Variants in ADAMTSL3 observed in about 807,000 individuals in gnomAD.
ADAMTSL3 encodes ADAMTS like 3.
Under a neutral mutation model 201.7 loss-of-function variants are expected in ADAMTSL3, and 128 were observed. The ratio of observed to expected loss-of-function variants is 0.63; its 90% CI spans 0.55 to 0.73. The LOEUF is 0.73. Ranked by LOEUF, ADAMTSL3 falls within the 30% of genes least tolerant of loss-of-function variation. The pLI is 0.00. For synonymous variants in ADAMTSL3, 738 were observed against 748.4 expected (o/e 0.99, Z 0.23); for missense variants, 1,990 against 2,119.6 (o/e 0.94, Z 1.20).
At chr15:83,986,698 T>C (rs1228284776) in intron 21 of ADAMTSL3, among the ~76,000 whole-genome samples, 1 of 152,256 alleles carries the variant, frequency 6.6e-6, no homozygotes, top group African/African-American at 2.4e-5. Context: ...AATGGAATTA[T>C]GTTCCTGAAA....
At chr15:84,012,402 T>C (rs1043789528) in intron 23 of ADAMTSL3, among the ~76,000 whole-genome samples, 18 of 152,190 alleles carry the variant, frequency 1.2e-4, no homozygotes, top group African/African-American at 4.3e-4. Context: ...TGAAGGCCAC[T>C]CTCAGCTTTT....
chr15:83,660,088 T>C (rs2061142004), intron 2 of ADAMTSL3, among the ~76,000 whole-genome samples: 2 of 152,146 alleles, frequency 1.3e-5, no homozygotes, highest in East Asian at 1.9e-4. Context: ...AATCTTGACC[T>C]CTTTGCTGCC....
Position 83,677,938 on chromosome 15 carries a change from T to TTC in ADAMTSL3, c.69+22124_69+22125dup, listed in dbSNP as rs34231485. On this transcript the variant is annotated intron_variant, in intron 2 of 29. Coordinates refer to ENST00000286744, the MANE Select transcript of ADAMTSL3 (RefSeq NM_207517.3). ...TGATTTTTCTATGGGAGTTTTCATTTTCTCTCTCTCTCTCTCTGTCTCTCT... is the reference window on the plus strand; with the variant it reads ...TGATTTTTCTATGGGAGTTTTCATTTTCTCTCTCTCTCTCTCTCTGTCTCTCT... Among the ~76,000 whole-genome samples the TTC allele has an allele frequency of 6.0e-5, 9 of 149,686 alleles. No homozygotes were observed. The South Asian group carries it at 1.1e-3, about 18-fold the overall frequency.
At chr15:83,897,430 A>G (rs1462179540) in intron 13 of ADAMTSL3, among the ~76,000 whole-genome samples, 1 of 152,196 alleles carries the variant, frequency 6.6e-6, no homozygotes, top group African/African-American at 2.4e-5. Flanking sequence ...ATAGAAAAAT[A>G]ATCCTCTGGC....
At chr15:83,949,833 T>C (rs1209403183) in intron 19 of ADAMTSL3, among the ~76,000 whole-genome samples, 1 of 152,152 alleles carries the variant, frequency 6.6e-6, no homozygotes, top group Non-Finnish European at 1.5e-5. Context: ...TATTCAGATC[T>C]TTTCCCATTT....
At chr15:84,017,524 T>G (rs763179018) in intron 25 of ADAMTSL3, among the ~76,000 whole-genome samples, 30 of 152,190 alleles carry the variant, frequency 2.0e-4, no homozygotes, top group Non-Finnish European at 4.4e-4. Context: ...ATTTGCATAA[T>G]GTATCATGCA....
In ADAMTSL3 at chr15:84,014,638, T is replaced by C; in HGVS notation, c.4070T>C (p.Val1357Ala). 1.2e-6 allele frequency: 2 copies of C among 1,612,804 alleles called. No individual in the cohort carries two copies. The highest frequency in any genetic ancestry group is 1.7e-6 in the Non-Finnish European group (2 of 1,179,668). ...AATGGATCCCTGTTGTTGCAGAATG[T>C]TTCCCTTGAAAATGAAGGAACCTAC... ...LFNGSLLLQN[V>A]SLENEGTYVC... The change falls in exon 24 of 30, where the codon GTT becomes GCT. Residue 1357 changes from valine to alanine, a missense_variant. Physicochemically the swap from Val to Ala is moderately conservative, Grantham distance 64. Transcript: ENST00000286744.
intron 4 of ADAMTSL3, among the ~76,000 whole-genome samples, chr15:83,801,658 ATATATATATATATATATATATATATATAT>A (rs2063521414): frequency 1.5e-5 from 1 of 68,844 alleles, no homozygotes; most frequent in South Asian, 5.4e-4. Context: ...ATAAATATAT[ATATATATATATATATATATATATATATAT>A]ATATATATGT....
intron 2 of ADAMTSL3, among the ~76,000 whole-genome samples, chr15:83,702,776 A>G (rs556129345): frequency 5.3e-4 from 80 of 152,342 alleles, no homozygotes; most frequent in African/African-American, 1.8e-3. Context: ...AACCTGTGCA[A>G]TAGCAGTACG....
At chr15:83,903,924 A>AGGAAGGAAGGAAGG (rs1449297227) in intron 15 of ADAMTSL3, among the ~76,000 whole-genome samples, 75 of 62,188 alleles carry the variant, frequency 1.2e-3, no homozygotes, top group South Asian at 1.9e-3. Flanking sequence ...CATCAAAAAA[A>AGGAAGGAAGGAAGG]AAAAAAAAAA....
At chr15:83,827,687 T>C (rs1295171872) in intron 6 of ADAMTSL3, among the ~76,000 whole-genome samples, 1 of 152,208 alleles carries the variant, frequency 6.6e-6, no homozygotes, top group African/African-American at 2.4e-5. Flanking sequence ...TTAATTTTTG[T>C]ATAAGGTGCA....
intron 2 of ADAMTSL3, among the ~76,000 whole-genome samples, chr15:83,697,640 G>A (rs775385340): frequency 2.6e-4 from 39 of 152,172 alleles, no homozygotes; most frequent in African/African-American, 8.2e-4. Flanking sequence ...GAAGAGATAC[G>A]TAGGGTGAGG....
intron 6 of ADAMTSL3, among the ~76,000 whole-genome samples, 186 bp downstream of exon 6, chr15:83,820,233 A>G (rs1351673004): frequency 3.9e-5 from 6 of 152,152 alleles, no homozygotes; most frequent in African/African-American, 1.4e-4. Context: ...TACAAATTGT[A>G]TTTGTATCCC....
intron 20 of ADAMTSL3, among the ~76,000 whole-genome samples, chr15:83,979,986 C>T (rs1481854939): frequency 1.3e-5 from 2 of 152,178 alleles, no homozygotes; most frequent in Non-Finnish European, 2.9e-5. Flanking sequence ...CCTGGCTGCA[C>T]CCCGTAAGTC....
At chr15:83,831,978 TG>T (rs1567176145) in intron 6 of ADAMTSL3, among the ~76,000 whole-genome samples, 1 of 152,154 alleles carries the variant, frequency 6.6e-6, no homozygotes. Flanking sequence ...GTGAAGTTCC[TG>T]GGCTCTTCAA....
chr15:84,012,280 A>G (rs531420155), intron 23 of ADAMTSL3, among the ~76,000 whole-genome samples: 1 of 152,288 alleles, frequency 6.6e-6, no homozygotes, highest in East Asian at 1.9e-4. Context: ...GCATGGCTGC[A>G]TTCCTTTTTG....
intron 8 of ADAMTSL3, among the ~76,000 whole-genome samples, chr15:83,869,935 A>AT (rs576441129): frequency 8.5e-4 from 130 of 152,224 alleles, no homozygotes; most frequent in African/African-American, 3.0e-3. Context: ...CTGTATATAC[A>AT]TTTTTTGTTG....
chr15:83,978,773 A>G lies in ADAMTSL3; in HGVS notation c.2645-3500A>G, dbSNP rs560259653. Among the ~76,000 whole-genome samples the G allele has an allele frequency of 2.0e-5, 3 of 152,332 alleles. No individual in the cohort carries two copies. The South Asian group carries it at 6.2e-4, about 32-fold the overall frequency. The stretch of plus-strand genomic sequence containing the variant: ...TCAAAATGCCCCATACCCCAGTGTG[A>G]GCAATGGCCAAAGCAGAGTTGGGAA... On this transcript the variant is annotated intron_variant, in intron 20 of 29. Transcript: ENST00000286744.
At position 83,739,252 on chromosome 15, in the gene ADAMTSL3, A is replaced by G. The variant is rs116904706; in HGVS notation, c.190-34271A>G. Among the ~76,000 whole-genome samples the G allele has an allele frequency of 2.8e-3, 429 of 151,976 alleles. 1 individual carries two copies. Among genetic ancestry groups the G allele is most frequent in the Non-Finnish European group, 4.2e-3 (284 of 67,970 alleles). On this transcript the variant is annotated intron_variant, in intron 3 of 29. Transcript: ENST00000286744. Reference sequence around the variant, plus strand: ...GGATCATGCAAGTGTAAACTAAAATAAAGATTATATAGCAATATTAGTATT... The same window carrying G: ...GGATCATGCAAGTGTAAACTAAAATGAAGATTATATAGCAATATTAGTATT...
Sources: allele counts gnomAD v4.1 joint callset (sites outside exome capture counted in the v4.1 genomes callset), GRCh38; gene constraint gnomAD v4.1.1; transcripts MANE v1.5; gene names NCBI Gene and HGNC (gene_info 2026-07-23, HGNC 2026-07-21).